The following SUCLG2 variants were observed in gnomAD, a reference collection of about 807,000 sequenced individuals.
The protein encoded by SUCLG2 is succinate--CoA ligase [GDP-forming] subunit beta, mitochondrial.
In SUCLG2, 42 loss-of-function variants were observed where a neutral mutation model predicts 47.9. The ratio of observed to expected loss-of-function variants is 0.88; its 90% confidence interval spans 0.69 to 1.14. The LOEUF (loss-of-function observed/expected upper bound fraction) is 1.14. SUCLG2 is among the 50% of genes most tolerant of loss of function. SUCLG2 has a pLI of 0.00. For synonymous variants in SUCLG2, 195 were observed against 197.3 expected (o/e 0.99, Z 0.10); for missense variants, 571 against 525.9 (o/e 1.09, Z -0.84).
chr3:67,592,718 C>A (rs1443677889), intron 2 of SUCLG2, among the ~76,000 whole-genome samples: 34 of 80,256 alleles, frequency 4.2e-4, no homozygotes, highest in South Asian at 8.2e-4. Flanking sequence ...TCACATCCTC[C>A]AAAAAAAAAA....
intron 9 of SUCLG2, among the ~76,000 whole-genome samples, chr3:67,435,398 T>C (rs1334291030): frequency 6.6e-6 from 1 of 152,186 alleles, no homozygotes; most frequent in African/African-American, 2.4e-5. Context: ...TTGTTAATAG[T>C]GGTAATGATA....
intron 2 of SUCLG2, among the ~76,000 whole-genome samples, chr3:67,580,816 A>C (rs1707862521): frequency 6.6e-6 from 1 of 152,204 alleles, no homozygotes; most frequent in South Asian, 2.1e-4. Context: ...TTCCTATTGC[A>C]CTTGGAAATG....
rs759890384 is a variant in SUCLG2 at position 67,400,720 on chromosome 3, C to T, written c.1183+11G>A. The T allele has an allele frequency of 1.4e-5, 22 of 1,610,680 alleles. No individual in the cohort carries two copies. Among genetic ancestry groups the T allele is most frequent in the Non-Finnish European group, 1.9e-5 (22 of 1,179,674 alleles). On this transcript the variant is annotated intron_variant, in intron 10 of 10. Coordinates refer to ENST00000307227, the MANE Select transcript of SUCLG2 (RefSeq NM_003848.4). ...GGGGTGCTGGCACAGCGGAAATCTA[C>T]CATGACTCACCTTCAAGCCGGACCA...
At chr3:67,425,531 T>G (rs1295188615) in intron 9 of SUCLG2, among the ~76,000 whole-genome samples, 1 of 151,704 alleles carries the variant, frequency 6.6e-6, no homozygotes, top group Non-Finnish European at 1.5e-5. Flanking sequence ...AAAAAAAAGG[T>G]GGAAGAAGGG....
At chr3:67,544,384 G>T (rs1179619290) in intron 2 of SUCLG2, among the ~76,000 whole-genome samples, 1 of 152,140 alleles carries the variant, frequency 6.6e-6, no homozygotes, top group Non-Finnish European at 1.5e-5. Flanking sequence ...CTGTTCTCAT[G>T]ATAGTGGGTA....
rs1314773430 is a variant in SUCLG2, at chr3:67,615,957, G to A, written c.85-6361C>T. Among the ~76,000 whole-genome samples, 4 of 151,920 alleles carry A rather than the reference G, an allele frequency of 2.6e-5. No homozygotes were observed. In the East Asian group the frequency reaches 7.7e-4, roughly 29 times the overall value. On this transcript the variant is annotated intron_variant, in intron 1 of 10. Transcript: ENST00000307227. Reference sequence around the variant, plus strand: ...AAACAAACTATAATATATTCTGACTGTGTGAACTATTTAACATTATCTATG... The same window carrying A: ...AAACAAACTATAATATATTCTGACTATGTGAACTATTTAACATTATCTATG...
intron 2 of SUCLG2, among the ~76,000 whole-genome samples, chr3:67,562,490 C>T (rs1397319829): frequency 6.6e-6 from 1 of 152,186 alleles, no homozygotes; most frequent in Non-Finnish European, 1.5e-5. Context: ...GTTGGCCAGG[C>T]TGGTCTCGAA....
At chr3:67,477,661 C>A (rs1243041978) in intron 9 of SUCLG2, among the ~76,000 whole-genome samples, 4 of 152,176 alleles carry the variant, frequency 2.6e-5, no homozygotes, top group African/African-American at 9.7e-5. Flanking sequence ...AGCCACTGCA[C>A]TCCAGCCTGG....
At chr3:67,532,616 A>G (rs796751427) in intron 2 of SUCLG2, among the ~76,000 whole-genome samples, 5 of 152,088 alleles carry the variant, frequency 3.3e-5, no homozygotes, top group Admixed American at 3.3e-4. Flanking sequence ...AATAACCAGT[A>G]CTCATGGTTA....
intron 1 of SUCLG2, among the ~76,000 whole-genome samples, chr3:67,623,975 C>A (rs1700779796): frequency 6.6e-6 from 1 of 152,190 alleles, no homozygotes; most frequent in Non-Finnish European, 1.5e-5. Context: ...CATCTCCACA[C>A]CCTGCAGTTA....
At chr3:67,412,825 A>T (rs1317323675) in intron 9 of SUCLG2, among the ~76,000 whole-genome samples, 1 of 152,110 alleles carries the variant, frequency 6.6e-6, no homozygotes, top group African/African-American at 2.4e-5. Context: ...TTTCCTCCAT[A>T]TACTGTGAGA....
intron 9 of SUCLG2, among the ~76,000 whole-genome samples, chr3:67,434,772 A>T (rs1703575319): frequency 6.6e-6 from 1 of 152,232 alleles, no homozygotes; most frequent in South Asian, 2.1e-4. Flanking sequence ...GTGACTATGT[A>T]TACCACATAG....
intron 9 of SUCLG2, among the ~76,000 whole-genome samples, chr3:67,426,109 A>C (rs1703294879): frequency 6.6e-6 from 1 of 152,164 alleles, no homozygotes; most frequent in South Asian, 2.1e-4. Flanking sequence ...CTATTCCAGG[A>C]GGTTAGACAA....
At chr3:67,577,346 C>T (rs1274266867) in intron 2 of SUCLG2, among the ~76,000 whole-genome samples, 1 of 151,530 alleles carries the variant, frequency 6.6e-6, no homozygotes, top group Non-Finnish European at 1.5e-5. Flanking sequence ...ACTGAAGTTA[C>T]AAATAAGATA....
In SUCLG2 at chr3:67,468,686, C is replaced by T. The variant is rs116867313; in HGVS notation, c.1062+27112G>A. Among the ~76,000 whole-genome samples, 677 of 152,178 alleles carry T rather than the reference C, an allele frequency of 4.4e-3. 10 individuals are homozygous for T. The East Asian group carries it at 0.057, about 13-fold the overall frequency. Reference sequence around the variant, plus strand: ...AGCCCAATTGAGTCATCACACGGCTCGGGCTCCATCCACCAATGACTGCAG... The same window carrying T: ...AGCCCAATTGAGTCATCACACGGCTTGGGCTCCATCCACCAATGACTGCAG... On this transcript the variant is annotated intron_variant, in intron 9 of 10. Transcript: ENST00000307227.
chr3:67,529,840 A>G (rs1453756018), intron 2 of SUCLG2, among the ~76,000 whole-genome samples: 1 of 152,102 alleles, frequency 6.6e-6, no homozygotes, highest in Non-Finnish European at 1.5e-5. Flanking sequence ...GAATGAAAGA[A>G]CTCTCTAATC....
At chr3:67,615,570 G>A (rs1700610663) in intron 1 of SUCLG2, among the ~76,000 whole-genome samples, 1 of 151,082 alleles carries the variant, frequency 6.6e-6, no homozygotes, top group Non-Finnish European at 1.5e-5. Flanking sequence ...AACGGAAGAA[G>A]CCATTTTGCC....
At chr3:67,363,618 A>T (rs1213442009) in intron 10 of SUCLG2, among the ~76,000 whole-genome samples, 2 of 152,232 alleles carry the variant, frequency 1.3e-5, no homozygotes, top group East Asian at 3.8e-4. Flanking sequence ...GCATACCAAG[A>T]TGTGAACAGC....
chr3:67,559,929 C>T lies in SUCLG2; in HGVS notation c.227-30743G>A, dbSNP rs1178719309. On this transcript the variant is annotated intron_variant, in intron 2 of 10. Transcript: ENST00000307227. ...CATCAATCGTAATGAATGTACCATG[C>T]TGGTGGGGGATGTTGGTATTGGGGG... is the stretch of plus-strand genomic sequence containing the variant. 3.6e-5 allele frequency among the ~76,000 whole-genome samples: 5 copies of T among 140,156 alleles called. 1 individual carries two copies. The highest frequency in any genetic ancestry group is 3.0e-5 in the Non-Finnish European group (2 of 66,424). The allele number at this position is 140,156 out of a possible 152,430, so 91.9% of individuals were successfully genotyped here. A position where few individuals can be genotyped will look rare whatever the true frequency, so the allele number is the denominator to read the frequency against.
Sources: gnomAD v4.1 joint callset for allele counts (sites outside exome capture counted in the v4.1 genomes callset) on GRCh38, gnomAD v4.1.1 for gene constraint, MANE v1.5 for transcripts, NCBI Gene and HGNC (gene_info 2026-07-23, HGNC 2026-07-21) for gene names.